Variants in PUM2 observed in about 807,000 individuals in gnomAD.
PUM2 encodes pumilio homolog 2.
PUM2 carries 57 observed loss-of-function variants against 124.5 expected under a neutral mutation model. The ratio of observed to expected loss-of-function variants is 0.46; its 90% confidence interval spans 0.37 to 0.57. The LOEUF is 0.57. Among genes scored for constraint, PUM2 ranks in the 20% least tolerant of loss-of-function variants. The probability of loss-of-function intolerance (pLI) is 0.00; values close to 1 mark genes in which losing one functional copy is unlikely to be tolerated. For synonymous variants in PUM2, 460 were observed against 446.1 expected (o/e 1.03, Z -0.39); for missense variants, 1,065 against 1,290.6 (o/e 0.83, Z 2.68).
chr2:20,347,924 A>AG (rs1208035174), intron 1 of PUM2, among the ~76,000 whole-genome samples: 1 of 152,228 alleles, frequency 6.6e-6, no homozygotes, highest in Non-Finnish European at 1.5e-5. Flanking sequence ...AAAGCGAGGA[A>AG]GGGGCTCTGC....
chr2:20,284,261 T>A (rs1387362810), intron 10 of PUM2, among the ~76,000 whole-genome samples: 5 of 152,198 alleles, frequency 3.3e-5, no homozygotes, highest in Non-Finnish European at 5.9e-5. Flanking sequence ...AAGGCTTTAT[T>A]CTTTTCTGGA....
At chr2:20,282,038 G>A (rs544123281) in intron 12 of PUM2, among the ~76,000 whole-genome samples, 9 of 152,338 alleles carry the variant, frequency 5.9e-5, no homozygotes, top group Admixed American at 5.9e-4. Flanking sequence ...AAGGACTGTA[G>A]CAAGTTATGT....
At chr2:20,311,051 A>C (rs1679481558) in intron 5 of PUM2, among the ~76,000 whole-genome samples, 1 of 152,022 alleles carries the variant, frequency 6.6e-6, no homozygotes, top group Admixed American at 6.5e-5. Flanking sequence ...ACTGCTCCTA[A>C]GCTAATTTTG....
rs773495478 is a variant in PUM2 at position 20,253,909 on chromosome 2, G to T, written c.2976C>A (p.Thr992=). Residue 992 remains threonine (T), a synonymous_variant, in exon 20 of 21, where the codon ACC becomes ACA. Coordinates refer to ENST00000361078, the MANE Select transcript of PUM2 (RefSeq NM_015317.5). ...AATTGGCATACTGGTCCTTCATCAT[G>T]GTGTATAAGGCACTGTGAGGACCAT... is the stretch of plus-strand genomic sequence containing the variant. The part of the protein sequence containing the change: ...QNDGPHSALY[T]MMKDQYANYV... 1.5e-5 allele frequency: 25 copies of T among 1,613,632 alleles called. No homozygotes were observed. The highest frequency in any genetic ancestry group is 6.7e-5 in the East Asian group (3 of 44,882).
In PUM2 at chr2:20,272,155, A is replaced by G. The variant is rs565900039; in HGVS notation, c.1957+6428T>C. Among the ~76,000 whole-genome samples the G allele has an allele frequency of 7.7e-4, 114 of 148,282 alleles. 1 individual carries two copies. Among genetic ancestry groups the G allele is most frequent in the African/African-American group, 2.5e-3 (99 of 40,090 alleles). ...CTGGGGGGCAGAGCAAGACTTCGTC[A>G]AATGAATGAATGAATGAATGAATGA... On this transcript the variant is annotated intron_variant, in intron 13 of 20. Coordinates refer to ENST00000361078, the MANE Select transcript of PUM2 (RefSeq NM_015317.5).
At position 20,249,913 on chromosome 2, in the gene PUM2, TAA is replaced by T. The variant is rs1662901605; in HGVS notation, c.*1670_*1671del. 6.6e-6 allele frequency: 1 copy of T among 152,638 alleles called. No individual in the cohort carries two copies. Among genetic ancestry groups the T allele is most frequent in the Non-Finnish European group, 1.5e-5 (1 of 68,030 alleles). 9.5% of individuals were successfully genotyped at this position (152,638 alleles called of 1,614,324 possible). ...TACACATATGGTCACAATTTTGCCT[TAA>T]AAAGATTGTTGGGAAATGTACATAA... On this transcript the variant is annotated 3_prime_UTR_variant, in exon 21 of 21. Transcript: ENST00000361078.
At chr2:20,316,968 T>C (rs1373251971) in intron 3 of PUM2, among the ~76,000 whole-genome samples, 1 of 151,814 alleles carries the variant, frequency 6.6e-6, no homozygotes, top group African/African-American at 2.4e-5. Flanking sequence ...GAGGCGGAGG[T>C]TGCAGTGAGC....
chr2:20,295,446 C>T (rs1290520932), intron 8 of PUM2, among the ~76,000 whole-genome samples: 2 of 151,942 alleles, frequency 1.3e-5, no homozygotes, highest in South Asian at 2.1e-4. Context: ...GACTGAATCA[C>T]TAAAATAAAA....
intron 13 of PUM2, among the ~76,000 whole-genome samples, chr2:20,263,889 T>G (rs538402958): frequency 6.6e-6 from 1 of 152,176 alleles, no homozygotes; most frequent in South Asian, 2.1e-4. Context: ...GAATGTTAAA[T>G]CTCTAGTTTT....
chr2:20,254,625 G>A (rs1664317051), intron 19 of PUM2, among the ~76,000 whole-genome samples: 1 of 152,142 alleles, frequency 6.6e-6, no homozygotes, highest in South Asian at 2.1e-4. Flanking sequence ...TGCATTTCCA[G>A]TGTCGGGAGT....
intron 2 of PUM2, chr2:20,326,410 G>T: frequency 7.7e-7 from 1 of 1,304,166 alleles, no homozygotes; most frequent in Non-Finnish European, 1.0e-6. Context: ...ATTGGATGGA[G>T]TGAGTCTCAT....
intron 5 of PUM2, among the ~76,000 whole-genome samples, chr2:20,309,788 G>T (rs1443201162): frequency 6.6e-6 from 1 of 152,058 alleles, no homozygotes; most frequent in African/African-American, 2.4e-5. Context: ...GAATAAATTT[G>T]CTAACATATA....
chr2:20,316,852 G>A (rs560364124), intron 3 of PUM2, among the ~76,000 whole-genome samples: 18 of 152,246 alleles, frequency 1.2e-4, no homozygotes, highest in East Asian at 3.9e-4. Context: ...CTAACATGGC[G>A]AAACTCCATC....
chr2:20,297,475 A>T, intron 8 of PUM2, 78 bp downstream of exon 8: 1 of 1,279,056 alleles, frequency 7.8e-7, no homozygotes, highest in Non-Finnish European at 1.0e-6. Context: ...TTGCCCAAAT[A>T]GAGAAAAATA....
chr2:20,290,891 T>C lies in PUM2; in HGVS notation c.1153-101A>G, dbSNP rs894803731. ...TTTATTACAAACAGCCTTTGGATAT[T>C]TTTTAAACATTTACATGCAAGGAAA... On this transcript the variant is annotated intron_variant, in intron 9 of 20. Transcript: ENST00000361078. 8.5e-6 allele frequency: 8 copies of C among 939,684 alleles called. No individual in the cohort carries two copies. In the East Asian group the frequency reaches 2.3e-4, roughly 27 times the overall value. 58.2% of individuals were successfully genotyped at this position (939,684 alleles called of 1,614,324 possible).
At chr2:20,343,135 TA>T (rs35992339) in intron 1 of PUM2, among the ~76,000 whole-genome samples, 4 of 151,486 alleles carry the variant, frequency 2.6e-5, no homozygotes, top group African/African-American at 7.3e-5. Context: ...AGTCTGTGTT[TA>T]AAAAAAAATT....
At chr2:20,290,566 GT>G in intron 10 of PUM2, 85 bp downstream of exon 10, 1 of 1,353,788 alleles carries the variant, frequency 7.4e-7, no homozygotes. Flanking sequence ...TTTAAATACA[GT>G]TTGATTTTTT....
chr2:20,320,780 T>A (rs1682133772), intron 2 of PUM2, among the ~76,000 whole-genome samples: 1 of 151,996 alleles, frequency 6.6e-6, no homozygotes, highest in Non-Finnish European at 1.5e-5. Flanking sequence ...CAACAAAACA[T>A]AAATCTAGTA....
chr2:20,344,520 A>G (rs79001730), intron 1 of PUM2, among the ~76,000 whole-genome samples: 2,198 of 152,228 alleles, frequency 0.014, 69 homozygotes, highest in East Asian at 0.12. Context: ...AAGGACTTCA[A>G]TCTGGTGGGC....
Sources: allele counts gnomAD v4.1 joint callset (sites outside exome capture counted in the v4.1 genomes callset), GRCh38; gene constraint gnomAD v4.1.1; transcripts MANE v1.5; gene names NCBI Gene and HGNC (gene_info 2026-07-23, HGNC 2026-07-21).